The following COMMD10 variants were observed in gnomAD, a reference collection of about 807,000 sequenced individuals.
The protein encoded by COMMD10 is COMM domain-containing protein 10.
Under a neutral mutation model 28.9 loss-of-function variants are expected in COMMD10, and 33 were observed. The ratio of observed to expected loss-of-function variants is 1.14; its 90% CI spans 0.87 to 1.53. COMMD10 has a LOEUF of 1.53. Ranked by LOEUF, COMMD10 falls within the 40% of genes most tolerant of loss-of-function variation. COMMD10 has a pLI of 0.00. For missense variants in COMMD10, 310 were observed against 233.4 expected, an observed-to-expected ratio of 1.33 and a Z score of -2.14; for synonymous variants, 110 against 81.7, an observed-to-expected ratio of 1.35 and a Z score of -1.87.
intron 5 of COMMD10, among the ~76,000 whole-genome samples, chr5:116,217,679 G>A (rs1351351552): frequency 6.6e-6 from 1 of 152,154 alleles, no homozygotes; most frequent in African/African-American, 2.4e-5. Flanking sequence ...AGATGGGAAG[G>A]GAGAAGAGAG....
chr5:116,128,170 A>C (rs1751726557), intron 4 of COMMD10, among the ~76,000 whole-genome samples: 1 of 152,028 alleles, frequency 6.6e-6, no homozygotes, highest in African/African-American at 2.4e-5. Flanking sequence ...AATTTTGTCT[A>C]ATTTGAGATG....
intron 5 of COMMD10, among the ~76,000 whole-genome samples, chr5:116,195,139 A>G (rs1748474536): frequency 6.6e-6 from 1 of 152,166 alleles, no homozygotes; most frequent in Non-Finnish European, 1.5e-5. Flanking sequence ...AACTCTCAAC[A>G]AAATCGGCAT....
intron 5 of COMMD10, among the ~76,000 whole-genome samples, chr5:116,164,783 A>G (rs966440095): frequency 1.3e-5 from 2 of 152,170 alleles, no homozygotes; most frequent in Non-Finnish European, 2.9e-5. Flanking sequence ...GGAAAAATTT[A>G]TAATGTTCTT....
At chr5:116,176,428 G>C (rs4921073) in intron 5 of COMMD10, among the ~76,000 whole-genome samples, 11,431 of 152,204 alleles carry the variant, frequency 0.075, 877 homozygotes, top group African/African-American at 0.19. Flanking sequence ...CTTATTCACT[G>C]TTCTGCTTTA....
At chr5:116,085,364 G>C in intron 1 of COMMD10, 1 of 447,966 alleles carries the variant, frequency 2.2e-6, no homozygotes, top group Non-Finnish European at 4.0e-6. Context: ...GCAAGCGTGG[G>C]GTCTGCGTCA....
At chr5:116,156,086 C>T (rs1218685684) in intron 5 of COMMD10, among the ~76,000 whole-genome samples, 3 of 151,960 alleles carry the variant, frequency 2.0e-5, no homozygotes, top group African/African-American at 7.2e-5. Flanking sequence ...TGCCCTGAGA[C>T]CAAAACATTT....
At chr5:116,100,533 G>C (rs1043969092) in intron 4 of COMMD10, among the ~76,000 whole-genome samples, 2 of 82,248 alleles carry the variant, frequency 2.4e-5, no homozygotes, top group Non-Finnish European at 5.0e-5. Flanking sequence ...TTTTTTTTTT[G>C]CATGTAGATT....
Position 116,278,843 on chromosome 5 carries a change from G to A in COMMD10, c.511-12674G>A, listed in dbSNP as rs181715711. Among the ~76,000 whole-genome samples, 41 of 151,802 alleles carry A rather than the reference G, an allele frequency of 2.7e-4. 1 individual carries two copies. The South Asian group carries it at 7.9e-3, about 29-fold the overall frequency. Reference sequence around the variant, plus strand: ...ATACTTAGAGTGTAATTACTATTTAGCCCATATATTTTCTGAGTAAACAAG... The same window carrying A: ...ATACTTAGAGTGTAATTACTATTTAACCCATATATTTTCTGAGTAAACAAG... On this transcript the variant is annotated intron_variant, in intron 5 of 6. Transcript: ENST00000274458.
At chr5:116,100,760 G>C (rs899026735) in intron 4 of COMMD10, among the ~76,000 whole-genome samples, 5 of 151,548 alleles carry the variant, frequency 3.3e-5, no homozygotes, top group African/African-American at 9.7e-5. Context: ...ACTTTAATAC[G>C]TCTGTTTTTT....
intron 5 of COMMD10, among the ~76,000 whole-genome samples, chr5:116,235,329 G>A (rs1749632368): frequency 6.6e-6 from 1 of 152,152 alleles, no homozygotes; most frequent in African/African-American, 2.4e-5. Flanking sequence ...CAAATTGTAG[G>A]CATGTTGCTT....
intron 5 of COMMD10, among the ~76,000 whole-genome samples, chr5:116,230,131 C>T (rs942260102): frequency 5.3e-5 from 8 of 151,952 alleles, no homozygotes; most frequent in African/African-American, 1.9e-4. Flanking sequence ...GAATTATGTT[C>T]ACTAAAAAGT....
intron 4 of COMMD10, among the ~76,000 whole-genome samples, chr5:116,113,311 C>A (rs959090226): frequency 7.0e-6 from 1 of 143,870 alleles, no homozygotes; most frequent in African/African-American, 2.6e-5. Context: ...GTTGTATTTG[C>A]CTGCAGATCA....
chr5:116,283,034 G>A lies in COMMD10; in HGVS notation c.511-8483G>A, dbSNP rs116655772. Among the ~76,000 whole-genome samples, 1,166 of 151,962 alleles carry A rather than the reference G, an allele frequency of 7.7e-3. 50 individuals carry two copies. The highest frequency in any genetic ancestry group is 0.027 in the African/African-American group (1,122 of 41,270). ...GAGAAGATTCTGTAGAACCAAGAAT[G>A]GAAGACTAAGAAAAATGTTATCCTG... is the stretch of plus-strand genomic sequence containing the variant. On this transcript the variant is annotated intron_variant, in intron 5 of 6. Transcript: ENST00000274458.
chr5:116,161,596 A>T (rs577620207), intron 5 of COMMD10, among the ~76,000 whole-genome samples: 1 of 152,202 alleles, frequency 6.6e-6, no homozygotes, highest in Non-Finnish European at 1.5e-5. Flanking sequence ...TGCATTATGT[A>T]CTATATTTTA....
rs181032610 is a variant in COMMD10, at chr5:116,205,519, C to G, written c.510+71341C>G. ...AGTTACGGGATTTATTGAAAACTAC[C>G]TCATATACATATGCACATATACCCA... On this transcript the variant is annotated intron_variant, in intron 5 of 6. Transcript: ENST00000274458. 1.2e-3 allele frequency among the ~76,000 whole-genome samples: 185 copies of G among 152,086 alleles called. 2 individuals are homozygous for G. The highest frequency in any genetic ancestry group is 3.9e-3 in the African/African-American group (162 of 41,490).
At chr5:116,111,832 A>G (rs1484170979) in intron 4 of COMMD10, among the ~76,000 whole-genome samples, 2 of 152,130 alleles carry the variant, frequency 1.3e-5, no homozygotes, top group Non-Finnish European at 2.9e-5. Context: ...TGTTGATTTT[A>G]TGTCTCAGTG....
chr5:116,155,991 C>G (rs1752694336), intron 5 of COMMD10, among the ~76,000 whole-genome samples: 1 of 151,968 alleles, frequency 6.6e-6, no homozygotes, highest in Admixed American at 6.6e-5. Context: ...AAAAGTCTAG[C>G]TGAGGATTAC....
At chr5:116,204,387 A>G (rs1748757700) in intron 5 of COMMD10, among the ~76,000 whole-genome samples, 1 of 152,092 alleles carries the variant, frequency 6.6e-6, no homozygotes, top group African/African-American at 2.4e-5. Flanking sequence ...GAGGCTTGTT[A>G]TTGTTTGTAA....
At chr5:116,157,734 TG>T (rs758416683) in intron 5 of COMMD10, among the ~76,000 whole-genome samples, 39 of 152,312 alleles carry the variant, frequency 2.6e-4, no homozygotes, top group Middle Eastern at 3.4e-3. Flanking sequence ...GAGTCATTTT[TG>T]CAATTTACCA....
Sources: gnomAD v4.1 joint callset for allele counts (sites outside exome capture counted in the v4.1 genomes callset) on GRCh38, gnomAD v4.1.1 for gene constraint, MANE v1.5 for transcripts, NCBI Gene and HGNC (gene_info 2026-07-23, HGNC 2026-07-21) for gene names.